Variants in ZC3H12B observed in about 807,000 individuals in gnomAD.
ZC3H12B encodes zinc finger CCCH-type containing 12B.
Under a neutral mutation model 43.9 loss-of-function variants are expected in ZC3H12B, and 7 were observed. The observed-to-expected ratio is 0.16, with a 90% CI of 0.09 to 0.30. The LOEUF is 0.30. ZC3H12B is among the 10% of genes least tolerant of loss of function. The pLI is 1.00. For synonymous variants in ZC3H12B, 222 were observed against 241.7 expected (o/e 0.92, Z 0.76); for missense variants, 475 against 670.2 (o/e 0.71, Z 3.22).
chrX:65,115,374 GCC>G, the ZC3H12B span, among the ~76,000 whole-genome samples: 12 of 109,692 alleles, frequency 1.1e-4, no homozygotes, highest in Non-Finnish European at 5.8e-5. Flanking sequence ...TGCTGTGAAT[GCC>G]ATTATTTCAT....
the ZC3H12B span, among the ~76,000 whole-genome samples, chrX:65,318,255 T>A: frequency 1.8e-5 from 2 of 109,587 alleles, no homozygotes; most frequent in Non-Finnish European, 3.8e-5. Flanking sequence ...GTGGTTTTGA[T>A]TTGCATTTCC....
chrX:65,482,655 A>AGATTGAATC (rs1286709915), intron 3 of ZC3H12B, among the ~76,000 whole-genome samples: 1 of 112,191 alleles, frequency 8.9e-6, no homozygotes, highest in Non-Finnish European at 1.9e-5. Flanking sequence ...TTGTGTGGGA[A>AGATTGAATC]GATTGAATCA....
chrX:65,386,952 G>A (rs1239741953), intron 2 of ZC3H12B, among the ~76,000 whole-genome samples: 3 of 111,741 alleles, frequency 2.7e-5, no homozygotes, highest in South Asian at 3.8e-4. Context: ...GTAGTTGAGC[G>A]ATTTTGAGTG....
chrX:65,052,728 G>C, the ZC3H12B span, among the ~76,000 whole-genome samples: 1 of 111,456 alleles, frequency 9.0e-6, no homozygotes, highest in South Asian at 3.8e-4. Context: ...TGTTAACAGT[G>C]CTGCAACCAC....
At chrX:65,153,449 C>T in the ZC3H12B span, among the ~76,000 whole-genome samples, 1 of 112,395 alleles carries the variant, frequency 8.9e-6, no homozygotes, top group African/African-American at 3.2e-5. Flanking sequence ...CAAAAGAAGA[C>T]ATTTATGCAG....
chrX:65,477,688 G>A (rs1398330156), intron 3 of ZC3H12B, among the ~76,000 whole-genome samples: 1 of 110,295 alleles, frequency 9.1e-6, no homozygotes, highest in Non-Finnish European at 1.9e-5. Context: ...CTTGAACACG[G>A]GAGGCGGAGG....
the ZC3H12B span, among the ~76,000 whole-genome samples, chrX:65,237,093 G>A: frequency 1.3e-3 from 141 of 111,769 alleles, 1 homozygote; most frequent in Middle Eastern, 4.6e-3. Flanking sequence ...GAATGTCAAT[G>A]GTATTTTAGT....
chrX:65,136,159 G>A, the ZC3H12B span, among the ~76,000 whole-genome samples: 1 of 111,378 alleles, frequency 9.0e-6, no homozygotes, highest in East Asian at 2.8e-4. Context: ...TTGGTTAAGT[G>A]TTCTGTTTTT....
chrX:65,220,639 C>G, the ZC3H12B span, among the ~76,000 whole-genome samples: 1 of 111,892 alleles, frequency 8.9e-6, no homozygotes, highest in African/African-American at 3.2e-5. Context: ...ACTAGTTCAG[C>G]AGGAAACTAT....
At chrX:65,271,423 G>A in the ZC3H12B span, 1 of 112,778 alleles carries the variant, frequency 8.9e-6, no homozygotes, top group South Asian at 3.6e-4. Context: ...TTTCTCCAAT[G>A]AGTGTAAATA....
At chrX:65,394,982 G>A (rs2066677176) in intron 2 of ZC3H12B, among the ~76,000 whole-genome samples, 1 of 111,358 alleles carries the variant, frequency 9.0e-6, no homozygotes. Flanking sequence ...AATTGTGAAT[G>A]GGAGTTCAAT....
At chrX:65,330,122 C>G in the ZC3H12B span, among the ~76,000 whole-genome samples, 84 of 110,087 alleles carry the variant, frequency 7.6e-4, 1 homozygote, top group East Asian at 0.017. Flanking sequence ...GGCATGGAAT[C>G]TATAAATTAC....
the ZC3H12B span, among the ~76,000 whole-genome samples, chrX:65,225,731 G>A: frequency 8.9e-6 from 1 of 112,284 alleles, no homozygotes. Flanking sequence ...GAAGAATGCA[G>A]AAGCCTCAGG....
chrX:65,478,244 G>T (rs1255275731), intron 3 of ZC3H12B, among the ~76,000 whole-genome samples: 1 of 111,827 alleles, frequency 8.9e-6, no homozygotes, highest in Admixed American at 9.5e-5. Flanking sequence ...TCACTTCATT[G>T]CCCAGGCTAT....
At chrX:65,341,178 C>A in the ZC3H12B span, among the ~76,000 whole-genome samples, 1 of 111,761 alleles carries the variant, frequency 8.9e-6, no homozygotes, top group Non-Finnish European at 1.9e-5. Context: ...TGAAAAGGAA[C>A]AAATAAAACC....
chrX:65,445,731 C>T (rs1241875683), intron 3 of ZC3H12B, among the ~76,000 whole-genome samples: 1 of 112,207 alleles, frequency 8.9e-6, no homozygotes, highest in Admixed American at 9.5e-5. Flanking sequence ...ATGTCTTTCC[C>T]TTGAGGATGG....
chrX:65,170,364 C>T, the ZC3H12B span, among the ~76,000 whole-genome samples: 2 of 112,011 alleles, frequency 1.8e-5, no homozygotes, highest in African/African-American at 6.5e-5. Context: ...TATTTGCCCC[C>T]ACTGTCTTCT....
At chrX:65,202,811 C>A in the ZC3H12B span, among the ~76,000 whole-genome samples, 1 of 111,031 alleles carries the variant, frequency 9.0e-6, no homozygotes, top group Non-Finnish European at 1.9e-5. Context: ...AGCCAGCTAG[C>A]CTTGTGTCCT....
chrX:65,460,150 T>C (rs772771118), intron 3 of ZC3H12B, among the ~76,000 whole-genome samples: 1 of 111,430 alleles, frequency 9.0e-6, no homozygotes, highest in South Asian at 3.8e-4. Flanking sequence ...CCAACTTACA[T>C]GGGATGTGAA....
Sources: allele counts gnomAD v4.1 joint callset (sites outside exome capture counted in the v4.1 genomes callset), GRCh38; gene constraint gnomAD v4.1.1; transcripts MANE v1.5; gene names NCBI Gene and HGNC (gene_info 2026-07-23, HGNC 2026-07-21).